LAMA4: variants seen among roughly 807,000 people sequenced by gnomAD.
LAMA4 encodes the protein laminin subunit alpha 4.
LAMA4 carries 127 observed loss-of-function variants against 207.1 expected under a neutral mutation model. The observed-to-expected ratio is 0.61, with a 90% CI of 0.53 to 0.71. The LOEUF is 0.71. Ranked by LOEUF, LAMA4 falls within the 30% of genes least tolerant of loss-of-function variation. The probability of loss-of-function intolerance (pLI) is 0.00; values close to 1 mark genes in which losing one functional copy is unlikely to be tolerated. For missense variants in LAMA4, 2,093 were observed against 2,246.5 expected (o/e 0.93, Z 1.38); for synonymous variants, 761 against 816.0 (o/e 0.93, Z 1.15).
chr6:112,176,161 A>G (rs1365039014), intron 10 of LAMA4, among the ~76,000 whole-genome samples: 1 of 152,114 alleles, frequency 6.6e-6, no homozygotes, highest in Non-Finnish European at 1.5e-5. Flanking sequence ...TTTTCACCCC[A>G]CTTCCATAAG....
At chr6:112,241,172 A>ATTTATATATATATTC (rs1554187633) in intron 2 of LAMA4, among the ~76,000 whole-genome samples, 2 of 89,396 alleles carry the variant, frequency 2.2e-5, no homozygotes, top group Non-Finnish European at 4.5e-5. Context: ...AATATATATG[A>ATTTATATATATATTC]ATATATATGA....
At chr6:112,171,611 C>A (rs1353268927) in intron 12 of LAMA4, 2 of 152,160 alleles carry the variant, frequency 1.3e-5, no homozygotes, top group Non-Finnish European at 2.9e-5. Flanking sequence ...AGAGTCCCAG[C>A]GACTATCTTA....
chr6:112,224,357 C>T (rs558664978), intron 2 of LAMA4, among the ~76,000 whole-genome samples: 1 of 152,254 alleles, frequency 6.6e-6, no homozygotes, highest in African/African-American at 2.4e-5. Context: ...TTATTGTCTG[C>T]CTCCCCTTTA....
intron 12 of LAMA4, among the ~76,000 whole-genome samples, chr6:112,170,410 TTGC>T (rs1304938756): frequency 6.6e-6 from 1 of 152,210 alleles, no homozygotes; most frequent in Non-Finnish European, 1.5e-5. Flanking sequence ...CTGAGAATTG[TTGC>T]ATGAGGTTGC....
At position 112,132,890 on chromosome 6, in the gene LAMA4, T is replaced by C. The variant is rs782509320; in HGVS notation, c.3697A>G (p.Ile1233Val). The C allele has an allele frequency of 1.2e-6, 2 of 1,612,842 alleles. No individual in the cohort carries two copies. The highest frequency in any genetic ancestry group is 3.3e-5 in the Admixed American group (2 of 59,990). ...CCATTGAAATATGCTCTGCGAGATA[T>C]CTGTGTGCCAGAACAAGTGGAGATA... ...VGYGCPEDSL[I>V]SRRAYFNGQS... is the part of the protein sequence containing the mutation. Residue 1233 changes from isoleucine to valine, a missense_variant and splice_region_variant, in exon 28 of 39, where the codon ATA (isoleucine) becomes GTA (valine). By Grantham distance (29) the Ile-to-Val change is conservative. This residue lies in a region of LAMA4 where 1,704 missense variants were observed against 1,788.4 expected (regional missense o/e 0.95). Coordinates refer to ENST00000230538, the MANE Select transcript of LAMA4 (RefSeq NM_001105206.3).
intron 4 of LAMA4, among the ~76,000 whole-genome samples, chr6:112,202,886 G>A (rs1783840921): frequency 6.6e-6 from 1 of 152,202 alleles, no homozygotes; most frequent in Admixed American, 6.5e-5. Context: ...TGCAACATCT[G>A]CTAGGGGCAT....
chr6:112,221,963 A>G (rs1583932856), intron 2 of LAMA4, among the ~76,000 whole-genome samples: 1 of 152,224 alleles, frequency 6.6e-6, no homozygotes, highest in East Asian at 1.9e-4. Flanking sequence ...AGTAAAAATA[A>G]AATATGGAAT....
intron 2 of LAMA4, among the ~76,000 whole-genome samples, chr6:112,248,177 T>C (rs1405368003): frequency 6.6e-6 from 1 of 152,146 alleles, no homozygotes; most frequent in Non-Finnish European, 1.5e-5. Context: ...AATGTGAATA[T>C]AGTCAATGCC....
chr6:112,133,554 T>C, intron 26 of LAMA4, 67 bp from the exon 27 acceptor site: 1 of 1,577,120 alleles, frequency 6.3e-7, no homozygotes, highest in East Asian at 2.2e-5. Context: ...ATGTAGGCTA[T>C]GGAATTTGCA....
At chr6:112,184,796 A>G (rs2114928657) in intron 9 of LAMA4, among the ~76,000 whole-genome samples, 1 of 152,268 alleles carries the variant, frequency 6.6e-6, no homozygotes. Flanking sequence ...CCTGCCAAAG[A>G]GCGAAATTGC....
chr6:112,197,004 C>T (rs906769769), intron 5 of LAMA4, among the ~76,000 whole-genome samples: 28 of 152,066 alleles, frequency 1.8e-4, no homozygotes, highest in African/African-American at 6.8e-4. Flanking sequence ...TAAATTATGT[C>T]GCATTTCTTC....
chr6:112,240,182 T>C (rs916267987), intron 2 of LAMA4, among the ~76,000 whole-genome samples: 2 of 152,258 alleles, frequency 1.3e-5, no homozygotes, highest in Non-Finnish European at 2.9e-5. Context: ...TTAGTTGTCC[T>C]GATTGACATA....
chr6:112,142,377 G>T (rs1779752741), intron 19 of LAMA4, 85 bp from the exon 20 acceptor site: 3 of 1,226,258 alleles, frequency 2.4e-6, no homozygotes, highest in Admixed American at 1.7e-5. Context: ...CGTGACAGGG[G>T]CCTATAAACT....
chr6:112,228,005 A>G (rs1554363127), intron 2 of LAMA4, among the ~76,000 whole-genome samples: 4 of 152,228 alleles, frequency 2.6e-5, no homozygotes, highest in African/African-American at 9.6e-5. Flanking sequence ...AGAAATTACA[A>G]TATTAAAATT....
intron 2 of LAMA4, among the ~76,000 whole-genome samples, chr6:112,223,282 G>C (rs2157548): frequency 0.13 from 19,584 of 152,188 alleles, 1,608 homozygotes; most frequent in Middle Eastern, 0.24. Context: ...GGCACACAAG[G>C]GTTAGCAATA....
chr6:112,159,022 G>T (rs1583752972), intron 13 of LAMA4, 142 bp from the exon 14 acceptor site: 1 of 651,778 alleles, frequency 1.5e-6, no homozygotes. Flanking sequence ...CTAAAATACT[G>T]TAAGTATATG....
At chr6:112,240,486 T>A (rs1411067357) in intron 2 of LAMA4, among the ~76,000 whole-genome samples, 3 of 152,144 alleles carry the variant, frequency 2.0e-5, no homozygotes, top group Non-Finnish European at 2.9e-5. Flanking sequence ...AAATAGTAGG[T>A]CTTACTCATG....
At chr6:112,130,813 G>A (rs1554329472) in intron 29 of LAMA4, among the ~76,000 whole-genome samples, 155 bp downstream of exon 29, 1 of 152,108 alleles carries the variant, frequency 6.6e-6, no homozygotes, top group Non-Finnish European at 1.5e-5. Flanking sequence ...GAAACTAATA[G>A]CAATATTTTT....
rs1778400307 is a variant in LAMA4, at chr6:112,122,174, A to G, written c.4315T>C (p.Trp1439Arg). The G allele has an allele frequency of 1.2e-6, 2 of 1,613,826 alleles. No individual in the cohort carries two copies. The highest frequency in any genetic ancestry group is 4.5e-5 in the East Asian group (2 of 44,874). The stretch of plus-strand genomic sequence containing the variant: ...GGGAGTTTCAGAGCAACAGGATCCC[A>G]TGAAGGTGCATCTTTACTTTTCCCT... ...KGGKSKDAPS[W>R]DPVALKLPER... is the part of the protein sequence containing the mutation. Residue 1439 changes from tryptophan (W) to arginine (R), a missense_variant, in exon 32 of 39, where the codon TGG becomes CGG. Around this residue, in one of 3 missense-constraint regions of LAMA4, gnomAD observed 1,704 missense variants for 1,788.4 expected, o/e 0.95. Coordinates refer to ENST00000230538, the MANE Select transcript of LAMA4 (RefSeq NM_001105206.3).
Sources: gnomAD v4.1 joint callset for allele counts (sites outside exome capture counted in the v4.1 genomes callset) on GRCh38, gnomAD v4.1.1 for gene constraint, gnomAD v4.1.1 regional missense constraint, MANE v1.5 for transcripts, NCBI Gene and HGNC (gene_info 2026-07-23, HGNC 2026-07-21) for gene names.